Variants in C10orf88 observed in about 807,000 individuals in gnomAD.
C10orf88 encodes the protein ATPase PAAT.
In C10orf88, 29 loss-of-function variants were observed where a neutral mutation model predicts 34.2. The observed-to-expected ratio is 0.85, with a 90% CI of 0.63 to 1.16. C10orf88 has a LOEUF of 1.16. Among genes scored for constraint, C10orf88 ranks in the 50% most tolerant of loss-of-function variants. The pLI, the probability that C10orf88 is intolerant of heterozygous loss-of-function variation, is 0.00. For synonymous variants in C10orf88, 194 were observed against 197.4 expected, an observed-to-expected ratio of 0.98 and a Z score of 0.15; for missense variants, 507 against 533.2, an observed-to-expected ratio of 0.95 and a Z score of 0.48.
intron 5 of C10orf88, among the ~76,000 whole-genome samples, chr10:122,935,437 T>G (rs7904130): frequency 0.43 from 65,429 of 151,794 alleles, 14,609 homozygotes; most frequent in Non-Finnish European, 0.46. Context: ...TTTTGCATTG[T>G]CAAACGTCAG....
intron 5 of C10orf88, among the ~76,000 whole-genome samples, chr10:122,936,365 T>G (rs1257898325): frequency 6.6e-6 from 1 of 151,972 alleles, no homozygotes; most frequent in Admixed American, 6.6e-5. Flanking sequence ...GATAGTCTTG[T>G]TTGAAGTGTA....
In C10orf88 at chr10:122,932,460, G is replaced by A. The variant is rs753266130; in HGVS notation, c.1305C>T (p.Asp435=). ...PPTGIPLRHY[D]SGERLSNGER The stretch of plus-strand genomic sequence containing the variant: ...CTCCATTTGAAAGTCTTTCTCCAGA[G>A]TCATAATGTCTTAGAGGTATCCCAG... Residue 435 remains aspartate, a synonymous_variant, in exon 6 of 6, where the codon GAC becomes GAT. Coordinates refer to ENST00000481909, the MANE Select transcript of C10orf88 (RefSeq NM_024942.4). 1 of 1,613,668 alleles carries A rather than the reference G, an allele frequency of 6.2e-7. No individual in the cohort carries two copies. The highest frequency in any genetic ancestry group is 1.7e-4 in the Middle Eastern group (1 of 6,058).
intron 5 of C10orf88, among the ~76,000 whole-genome samples, chr10:122,935,147 CAA>C (rs2133327857): frequency 6.6e-6 from 1 of 152,090 alleles, no homozygotes; most frequent in East Asian, 1.9e-4. Flanking sequence ...CTTTCATAAA[CAA>C]AAGTTTTACA....
rs1197129427 is a variant in C10orf88 at position 122,948,689 on chromosome 10, C to G, written c.608G>C (p.Gly203Ala). 2.5e-6 allele frequency: 4 copies of G among 1,613,804 alleles called. No homozygotes were observed. In the Admixed American group the frequency reaches 6.7e-5, roughly 27 times the overall value. ...AACCATATCCATCAACTGCTGAGCT[C>G]CAGGAGATAACTTTGACCCCATGGA... The part of the protein sequence containing the change: ...MESMGSKLSP[G>A]AQQLMDMVRC... Residue 203 changes from glycine (G) to alanine (A), a missense_variant, in exon 4 of 6, where the codon GGA (glycine) becomes GCA (alanine). Transcript: ENST00000481909.
Position 122,953,040 on chromosome 10 carries a change from G to GA in C10orf88, c.165-9dup. On this transcript the variant is annotated splice_polypyrimidine_tract_variant and intron_variant, in intron 1 of 5. Transcript: ENST00000481909. ...AAAATCACCAGATCCTGACTGAGAA[G>GA]AAAATTGGTGAAAACATCACACAGT... 6.3e-7 allele frequency: 1 copy of GA among 1,588,386 alleles called. No individual in the cohort carries two copies. Among genetic ancestry groups the GA allele is most frequent in the Non-Finnish European group, 8.6e-7 (1 of 1,157,482 alleles).
At chr10:122,934,594 G>C (rs533716319) in intron 5 of C10orf88, among the ~76,000 whole-genome samples, 4 of 152,096 alleles carry the variant, frequency 2.6e-5, no homozygotes, top group Non-Finnish European at 5.9e-5. Context: ...TGGGACTTCT[G>C]GGATATTACA....
Position 122,953,956 on chromosome 10 carries a change from C to G in C10orf88, c.164+59G>C, listed in dbSNP as rs568220563. On this transcript the variant is annotated intron_variant, in intron 1 of 5. Transcript: ENST00000481909. ...GACCCTCTCGCCTCCCCTCACAGCTCCCCTAGAAGCGCGGCAGTTGCCGAG... is the reference window on the plus strand; with the variant it reads ...GACCCTCTCGCCTCCCCTCACAGCTGCCCTAGAAGCGCGGCAGTTGCCGAG... 7 of 1,457,044 alleles carry G rather than the reference C, an allele frequency of 4.8e-6. No homozygotes were observed. In the African/African-American group the frequency reaches 7.3e-5, roughly 15 times the overall value. The allele number at this position is 1,457,044 out of a possible 1,614,324, so 90.3% of individuals were successfully genotyped here.
chr10:122,936,123 A>G (rs1318204822), intron 5 of C10orf88, among the ~76,000 whole-genome samples: 1 of 151,958 alleles, frequency 6.6e-6, no homozygotes, highest in Admixed American at 6.6e-5. Flanking sequence ...ATCATTAATC[A>G]AATATTTTTA....
rs1373629220 is a variant in C10orf88 at position 122,937,967 on chromosome 10, G to T, written c.841C>A (p.Gln281Lys). 6.2e-7 allele frequency: 1 copy of T among 1,613,292 alleles called. No homozygotes were observed. Among genetic ancestry groups the T allele is most frequent in the Non-Finnish European group, 8.5e-7 (1 of 1,179,564 alleles). Reference sequence around the variant, plus strand: ...GTAGAATTCTCTCCACCAGGCAGTTGTGTACTTTTATCAATGTAAGTTTGT... The same window carrying T: ...GTAGAATTCTCTCCACCAGGCAGTTTTGTACTTTTATCAATGTAAGTTTGT... ...NLQTYIDKST[Q>K]LPGGENSTKL... is the part of the protein sequence containing the mutation. Residue 281 changes from glutamine (Q) to lysine (K), a missense_variant, in exon 5 of 6, where the codon CAA (glutamine) becomes AAA (lysine). Physicochemically the swap from Gln to Lys is moderately conservative, Grantham distance 53. Coordinates refer to ENST00000481909, the MANE Select transcript of C10orf88 (RefSeq NM_024942.4).
At chr10:122,939,966 T>A (rs2133330715) in intron 4 of C10orf88, among the ~76,000 whole-genome samples, 1 of 152,054 alleles carries the variant, frequency 6.6e-6, no homozygotes, top group South Asian at 2.1e-4. Flanking sequence ...TAAAATAGTA[T>A]AGCAGTGATG....
At chr10:122,950,524 T>C (rs1848680698) in intron 3 of C10orf88, among the ~76,000 whole-genome samples, 1 of 150,708 alleles carries the variant, frequency 6.6e-6, no homozygotes, top group Non-Finnish European at 1.5e-5. Context: ...GAACCAAAGA[T>C]GTGACTGTCT....
At chr10:122,946,423 T>C (rs1848640191) in intron 4 of C10orf88, among the ~76,000 whole-genome samples, 1 of 152,194 alleles carries the variant, frequency 6.6e-6, no homozygotes, top group African/African-American at 2.4e-5. Flanking sequence ...TAACATGCTA[T>C]ACAGGTTCGT....
rs148181930 is a variant in C10orf88 at position 122,946,215 on chromosome 10, G to A, written c.648+2434C>T. On this transcript the variant is annotated intron_variant, in intron 4 of 5. Transcript: ENST00000481909. ...CAGTGTTTATAAAGTCTACAGTAGT[G>A]TACAGTAATGTTCTAGGCCTTCATA... Among the ~76,000 whole-genome samples the A allele has an allele frequency of 1.3e-3, 199 of 152,300 alleles. 1 individual carries two copies. Among genetic ancestry groups the A allele is most frequent in the African/African-American group, 4.4e-3 (184 of 41,588 alleles).
chr10:122,949,213 T>C (rs1237690471), intron 3 of C10orf88, among the ~76,000 whole-genome samples: 1 of 152,222 alleles, frequency 6.6e-6, no homozygotes, highest in African/African-American at 2.4e-5. Context: ...TGAAATTGCA[T>C]ATAGTACCAA....
intron 4 of C10orf88, among the ~76,000 whole-genome samples, chr10:122,941,082 A>C (rs966372378): frequency 6.6e-6 from 1 of 152,064 alleles, no homozygotes; most frequent in Non-Finnish European, 1.5e-5. Context: ...TAATAATCAG[A>C]AAGAAATTAA....
chr10:122,953,756 C>G, intron 1 of C10orf88, among the ~76,000 whole-genome samples: 1 of 30,008 alleles, frequency 3.3e-5, no homozygotes, highest in South Asian at 1.7e-3. Context: ...GCTATCACGC[C>G]TGATGGGGAC....
At chr10:122,952,304 T>C (rs1848697345) in intron 2 of C10orf88, among the ~76,000 whole-genome samples, 1 of 152,146 alleles carries the variant, frequency 6.6e-6, no homozygotes, top group Non-Finnish European at 1.5e-5. Context: ...GTTTCCAACA[T>C]GCAGGATATA....
intron 5 of C10orf88, among the ~76,000 whole-genome samples, chr10:122,935,602 C>T (rs1193700830): frequency 6.6e-6 from 1 of 151,600 alleles, no homozygotes; most frequent in Non-Finnish European, 1.5e-5. Flanking sequence ...TTTATTTTTC[C>T]ATTTTAAAAA....
intron 1 of C10orf88, among the ~76,000 whole-genome samples, chr10:122,953,513 T>C (rs1394910925): frequency 2.0e-5 from 3 of 152,186 alleles, no homozygotes; most frequent in African/African-American, 4.8e-5. Flanking sequence ...ACTCTATTTT[T>C]TCCTCAATCA....
Sources: gnomAD v4.1 joint callset for allele counts (sites outside exome capture counted in the v4.1 genomes callset) on GRCh38, gnomAD v4.1.1 for gene constraint, MANE v1.5 for transcripts, NCBI Gene and HGNC (gene_info 2026-07-23, HGNC 2026-07-21) for gene names.